The following WWC1 variants were observed in gnomAD, a reference collection of about 807,000 sequenced individuals.
The protein encoded by WWC1 is WW and C2 domain containing 1, also known as protein KIBRA.
In WWC1, 55 loss-of-function variants were observed where a neutral mutation model predicts 138.4. That is an observed-to-expected ratio of 0.40 (90% CI 0.32 to 0.50). The LOEUF is 0.50. Ranked by LOEUF, WWC1 falls within the 20% of genes least tolerant of loss-of-function variation. The pLI is 0.72. For missense variants in WWC1, 1,226 were observed against 1,420.4 expected, an observed-to-expected ratio of 0.86 and a Z score of 2.20; for synonymous variants, 524 against 564.9, an observed-to-expected ratio of 0.93 and a Z score of 1.03.
intron 1 of WWC1, among the ~76,000 whole-genome samples, chr5:168,354,296 C>A (rs946925517): frequency 1.3e-5 from 2 of 152,106 alleles, no homozygotes; most frequent in Non-Finnish European, 2.9e-5. Context: ...GGTGATCCGC[C>A]CCCCTCGGCC....
At chr5:168,411,859 G>A in intron 8 of WWC1, 1 of 522,836 alleles carries the variant, frequency 1.9e-6, no homozygotes, top group Non-Finnish European at 2.5e-6. Context: ...CCAGTGCTGG[G>A]AAAAGTCAGC....
intron 10 of WWC1, among the ~76,000 whole-genome samples, chr5:168,423,162 A>AAAAAAAC (rs1781249049): frequency 1.8e-5 from 2 of 108,694 alleles, no homozygotes; most frequent in African/African-American, 3.2e-5. Context: ...AAAAAAAAAA[A>AAAAAAAC]AAAAAAAAAA....
intron 4 of WWC1, among the ~76,000 whole-genome samples, chr5:168,399,220 C>T (rs1486751564): frequency 2.8e-5 from 2 of 70,602 alleles, no homozygotes; most frequent in Non-Finnish European, 5.8e-5. Context: ...CAGGTCAGCT[C>T]CTGTCCACCT....
chr5:168,426,042 G>T (rs1474414467), intron 11 of WWC1, among the ~76,000 whole-genome samples: 2 of 152,216 alleles, frequency 1.3e-5, no homozygotes, highest in Admixed American at 6.5e-5. Flanking sequence ...GCATGGGCAG[G>T]AGTGGTGCTG....
At position 168,461,603 on chromosome 5, in the gene WWC1, G is replaced by A. The variant is rs183446707; in HGVS notation, c.2916+861G>A. On this transcript the variant is annotated intron_variant, in intron 20 of 22. Coordinates refer to ENST00000265293, the MANE Select transcript of WWC1 (RefSeq NM_015238.3). ...GGAGACTGAGCTGAGCCATCCGGAT[G>A]GGGTGGGGGTAGGCAAAGGAGCGAC... 2.6e-3 allele frequency among the ~76,000 whole-genome samples: 389 copies of A among 152,300 alleles called. 1 individual carries two copies. The highest frequency in any genetic ancestry group is 8.5e-3 in the African/African-American group (354 of 41,576).
chr5:168,346,856 C>T (rs1198629509), intron 1 of WWC1, among the ~76,000 whole-genome samples: 1 of 152,048 alleles, frequency 6.6e-6, no homozygotes, highest in Non-Finnish European at 1.5e-5. Context: ...TGGTTGGTGT[C>T]AGGCACTGTG....
intron 3 of WWC1, among the ~76,000 whole-genome samples, chr5:168,397,060 G>A (rs1368411994): frequency 2.0e-5 from 3 of 151,696 alleles, no homozygotes; most frequent in Non-Finnish European, 2.9e-5. Flanking sequence ...CTAGATATCA[G>A]TGTTCTCTTT....
chr5:168,313,019 G>A (rs1028330463), intron 1 of WWC1, among the ~76,000 whole-genome samples: 2 of 151,768 alleles, frequency 1.3e-5, no homozygotes, highest in African/African-American at 4.8e-5. Context: ...TGTTTGCCAG[G>A]CTGGTCTCGA....
chr5:168,351,144 CAAAA>C (rs959882089), intron 1 of WWC1, among the ~76,000 whole-genome samples: 1 of 105,436 alleles, frequency 9.5e-6, no homozygotes. Context: ...GACCTTGTCT[CAAAA>C]AAAAAAAAAA....
At chr5:168,382,077 T>C (rs1371301237) in intron 2 of WWC1, among the ~76,000 whole-genome samples, 1 of 152,178 alleles carries the variant, frequency 6.6e-6, no homozygotes. Context: ...TTGAATGTAG[T>C]AGCAAAAGAA....
chr5:168,408,904 G>A (rs1780015466), intron 7 of WWC1, among the ~76,000 whole-genome samples: 1 of 152,188 alleles, frequency 6.6e-6, no homozygotes, highest in Non-Finnish European at 1.5e-5. Flanking sequence ...GCCTGGCCAG[G>A]TGCTTGTGTC....
intron 17 of WWC1, among the ~76,000 whole-genome samples, chr5:168,448,462 T>TA (rs1156422671): frequency 6.6e-6 from 1 of 152,074 alleles, no homozygotes; most frequent in East Asian, 1.9e-4. Context: ...CAGGAGAATA[T>TA]AACACCAAAC....
intron 17 of WWC1, among the ~76,000 whole-genome samples, chr5:168,446,501 T>G (rs544092444): frequency 2.0e-5 from 3 of 152,330 alleles, no homozygotes; most frequent in Admixed American, 6.5e-5. Flanking sequence ...GCAAAGTATT[T>G]TTTAAACTTT....
At chr5:168,337,105 T>C (rs1338803183) in intron 1 of WWC1, among the ~76,000 whole-genome samples, 2 of 152,116 alleles carry the variant, frequency 1.3e-5, no homozygotes, top group Non-Finnish European at 2.9e-5. Context: ...CCTCACCCTG[T>C]GCTCCTCATA....
Position 168,410,005 on chromosome 5 carries a change from C to T in WWC1, c.941+10C>T, listed in dbSNP as rs752269881. On this transcript the variant is annotated intron_variant, in intron 8 of 22. Transcript: ENST00000265293. ...AAGAGGCTAAGAGAAGGTAATTGGG[C>T]TGGGGCTAGGGGCGGGATGGTTCCA... is the stretch of plus-strand genomic sequence containing the variant. 1.2e-6 allele frequency: 2 copies of T among 1,611,626 alleles called. No individual in the cohort carries two copies. The highest frequency in any genetic ancestry group is 1.7e-5 in the Admixed American group (1 of 59,728).
At position 168,385,269 on chromosome 5, in the gene WWC1, G is replaced by A. The variant is rs748965666; in HGVS notation, c.288G>A (p.Leu96=). 4.3e-5 allele frequency: 70 copies of A among 1,614,026 alleles called. No homozygotes were observed. The highest frequency in any genetic ancestry group is 5.4e-5 in the Non-Finnish European group (64 of 1,180,042). ...VQWRREQEHM[L]KDYLVVAQEA... The stretch of plus-strand genomic sequence containing the variant: ...GGCGGCGGGAGCAGGAACATATGCT[G>A]AAGGATTACCTGGTGGTGGCCCAGG... The change falls in exon 3 of 23, where the codon CTG becomes CTA. Residue 96 remains leucine (L), a synonymous_variant. Coordinates refer to ENST00000265293, the MANE Select transcript of WWC1 (RefSeq NM_015238.3).
intron 1 of WWC1, among the ~76,000 whole-genome samples, chr5:168,355,760 G>A (rs958154643): frequency 3.9e-5 from 6 of 152,118 alleles, no homozygotes; most frequent in Admixed American, 3.9e-4. Flanking sequence ...TGACAAGACT[G>A]GATTAATGTG....
chr5:168,453,838 C>T, intron 17 of WWC1, 130 bp from the exon 18 acceptor site: 1 of 1,480,952 alleles, frequency 6.8e-7, no homozygotes, highest in Admixed American at 2.7e-5. Context: ...GAGCCTGGCC[C>T]CCCAAAACTT....
chr5:168,297,289 G>A (rs1769621236), intron 1 of WWC1, among the ~76,000 whole-genome samples: 1 of 152,138 alleles, frequency 6.6e-6, no homozygotes, highest in African/African-American at 2.4e-5. Flanking sequence ...CAGCTGGAGT[G>A]GACCTTTCTG....
Sources: gnomAD v4.1 joint callset for allele counts (sites outside exome capture counted in the v4.1 genomes callset) on GRCh38, gnomAD v4.1.1 for gene constraint, MANE v1.5 for transcripts, NCBI Gene and HGNC (gene_info 2026-07-23, HGNC 2026-07-21) for gene names.